GPRIN3: variants seen among roughly 807,000 people sequenced by gnomAD.
GPRIN3 encodes GPRIN family member 3.
Under a neutral mutation model 13.7 loss-of-function variants are expected in GPRIN3, and 12 were observed. The ratio of observed to expected loss-of-function variants is 0.87; its 90% CI spans 0.56 to 1.42. The LOEUF (loss-of-function observed/expected upper bound fraction) is 1.42. Ranked by LOEUF, GPRIN3 falls within the 40% of genes most tolerant of loss-of-function variation. The pLI is 0.00. For missense variants in GPRIN3, 1,009 were observed against 958.7 expected (o/e 1.05, Z -0.69); for synonymous variants, 377 against 372.7 (o/e 1.01, Z -0.13).
At position 89,303,173 on chromosome 4, in the gene GPRIN3, TCTAA is replaced by T. The variant is rs145109677; in HGVS notation, c.-124+4438_-124+4441del. 8.0e-3 allele frequency among the ~76,000 whole-genome samples: 1,211 copies of T among 152,268 alleles called. 13 individuals are homozygous for T. The highest frequency in any genetic ancestry group is 0.027 in the African/African-American group (1,141 of 41,532). On this transcript the variant is annotated intron_variant, in intron 1 of 1. Coordinates refer to ENST00000609438, the MANE Select transcript of GPRIN3 (RefSeq NM_198281.3). ...AAATGCATACAAACATATTTAAATA[TCTAA>T]CTAAGAAGATGGACAAGTCATAGAG...
At chr4:89,273,746 T>C (rs759443185) in intron 1 of GPRIN3, among the ~76,000 whole-genome samples, 4 of 152,198 alleles carry the variant, frequency 2.6e-5, no homozygotes, top group African/African-American at 4.8e-5. Context: ...ACTTTTTTCA[T>C]AGGTGCTGTA....
rs541716996 is a variant in GPRIN3 at position 89,288,064 on chromosome 4, C to T, written c.-124+19551G>A. ...CATGGAATAATGTACTGTCTAATTT[C>T]GGTGCCTCGAGGGCCCGTGCAGATC... On this transcript the variant is annotated intron_variant, in intron 1 of 1. Transcript: ENST00000609438. Among the ~76,000 whole-genome samples, 291 of 152,214 alleles carry T rather than the reference C, an allele frequency of 1.9e-3. 1 individual carries two copies. In the Middle Eastern group the frequency reaches 0.02, roughly 11 times the overall value.
chr4:89,286,454 A>C (rs1385591072), intron 1 of GPRIN3, among the ~76,000 whole-genome samples: 1 of 152,054 alleles, frequency 6.6e-6, no homozygotes, highest in Non-Finnish European at 1.5e-5. Context: ...GCTTTCCTAC[A>C]CTGTGTCTTT....
chr4:89,264,438 A>C (rs1434963674), intron 1 of GPRIN3, among the ~76,000 whole-genome samples: 1 of 152,168 alleles, frequency 6.6e-6, no homozygotes, highest in Non-Finnish European at 1.5e-5. Context: ...CTCTTTTCTT[A>C]ATAAATTACC....
At position 89,238,873 on chromosome 4, in the gene GPRIN3, T is replaced by C. The variant is rs1336251904; in HGVS notation, c.*8907A>G. 6.6e-6 allele frequency: 1 copy of C among 152,224 alleles called. No homozygotes were observed. The highest frequency in any genetic ancestry group is 1.9e-4 in the East Asian group (1 of 5,194). 9.4% of individuals were successfully genotyped at this position (152,224 alleles called of 1,614,324 possible). A position where few individuals can be genotyped will look rare whatever the true frequency, so the allele number is the denominator to read the frequency against. ...CAGAATAAATTGTATCTATATTACA[T>C]TTATTATGAAAAGTGAGATGCAAAA... is the stretch of plus-strand genomic sequence containing the variant. On this transcript the variant is annotated 3_prime_UTR_variant, in exon 2 of 2. Coordinates refer to ENST00000609438, the MANE Select transcript of GPRIN3 (RefSeq NM_198281.3).
At chr4:89,286,953 T>C (rs532591154) in intron 1 of GPRIN3, among the ~76,000 whole-genome samples, 82 of 152,320 alleles carry the variant, frequency 5.4e-4, no homozygotes, top group Admixed American at 3.5e-3. Context: ...ATCATGCCTG[T>C]GAATAGCCAC....
intron 1 of GPRIN3, among the ~76,000 whole-genome samples, chr4:89,265,692 T>C (rs1325897472): frequency 1.3e-5 from 2 of 152,228 alleles, no homozygotes; most frequent in African/African-American, 4.8e-5. Context: ...TTTATTATAC[T>C]ATACCACTGG....
chr4:89,292,677 T>C (rs1451250509), intron 1 of GPRIN3, among the ~76,000 whole-genome samples: 6 of 152,236 alleles, frequency 3.9e-5, no homozygotes, highest in African/African-American at 7.2e-5. Context: ...TTGATGGTTA[T>C]AGCATCTGGC....
intron 1 of GPRIN3, among the ~76,000 whole-genome samples, chr4:89,298,980 C>A (rs1395855587): frequency 6.6e-6 from 1 of 152,070 alleles, no homozygotes; most frequent in African/African-American, 2.4e-5. Context: ...CATTATAGTT[C>A]TAAACATCAA....
chr4:89,281,577 T>A (rs2149279128), intron 1 of GPRIN3, among the ~76,000 whole-genome samples: 2 of 152,232 alleles, frequency 1.3e-5, no homozygotes, highest in South Asian at 4.2e-4. Context: ...GGGGATTACA[T>A]TTCAACATGA....
intron 1 of GPRIN3, among the ~76,000 whole-genome samples, chr4:89,274,961 A>T (rs1724052163): frequency 6.6e-6 from 1 of 152,092 alleles, no homozygotes. Context: ...TCCGGAAAAG[A>T]CCCATTACTG....
chr4:89,307,298 C>CACACACACACACA (rs1561242497), intron 1 of GPRIN3, among the ~76,000 whole-genome samples: 1 of 150,154 alleles, frequency 6.7e-6, no homozygotes, highest in African/African-American at 2.5e-5. Context: ...CACACACACA[C>CACACACACACACA]CCCTCATATT....
chr4:89,248,222 G>C lies in GPRIN3; in HGVS notation c.1889C>G (p.Ala630Gly). Residue 630 changes from alanine to glycine, a missense_variant, in exon 2 of 2, where the codon GCC becomes GGC. Ala to Gly is a moderately conservative substitution (Grantham distance 60). Coordinates refer to ENST00000609438, the MANE Select transcript of GPRIN3 (RefSeq NM_198281.3). ...GKKTPSRSVK[A>G]SPRRPSRVSE... The stretch of plus-strand genomic sequence containing the variant: ...GACGCGGCTGGGCCTGCGTGGGCTG[G>C]CTTTGACGGAGCGAGATGGGGTCTT... The C allele has an allele frequency of 6.2e-7, 1 of 1,614,200 alleles. No individual in the cohort carries two copies. The highest frequency in any genetic ancestry group is 2.2e-5 in the East Asian group (1 of 44,882).
rs1722935148 is a variant in GPRIN3 at position 89,241,139 on chromosome 4, A to C, written c.*6641T>G. ...TTACTTAGCCCTGGCATATTTAATA[A>C]TATGCCAATGTACTGATTACTATAT... On this transcript the variant is annotated 3_prime_UTR_variant, in exon 2 of 2. Coordinates refer to ENST00000609438, the MANE Select transcript of GPRIN3 (RefSeq NM_198281.3). The C allele has an allele frequency of 6.6e-6, 1 of 152,114 alleles. No homozygotes were observed. The highest frequency in any genetic ancestry group is 2.4e-5 in the African/African-American group (1 of 41,430). The allele number at this position is 152,114 out of a possible 1,614,324, so 9.4% of individuals were successfully genotyped here.
At chr4:89,299,728 A>ACTACTCCTG (rs1724842321) in intron 1 of GPRIN3, among the ~76,000 whole-genome samples, 1 of 152,158 alleles carries the variant, frequency 6.6e-6, no homozygotes, top group South Asian at 2.1e-4. Flanking sequence ...ACGAGTTGAT[A>ACTACTCCTG]CTACTCCTGA....
At chr4:89,291,087 A>G (rs1232355935) in intron 1 of GPRIN3, among the ~76,000 whole-genome samples, 2 of 152,238 alleles carry the variant, frequency 1.3e-5, no homozygotes, top group Non-Finnish European at 2.9e-5. Flanking sequence ...GTCAATAAAC[A>G]GAGAGCAGGA....
At chr4:89,300,892 T>G (rs1724878356) in intron 1 of GPRIN3, among the ~76,000 whole-genome samples, 1 of 152,206 alleles carries the variant, frequency 6.6e-6, no homozygotes, top group African/African-American at 2.4e-5. Flanking sequence ...ACTAAAATTT[T>G]TACTGGAATT....
intron 1 of GPRIN3, among the ~76,000 whole-genome samples, chr4:89,258,152 A>G (rs189403055): frequency 1.3e-5 from 2 of 151,788 alleles, no homozygotes; most frequent in African/African-American, 4.8e-5. Context: ...AAAGCATATA[A>G]CTGTATTTAA....
intron 1 of GPRIN3, among the ~76,000 whole-genome samples, chr4:89,295,892 T>C (rs546143204): frequency 2.6e-5 from 4 of 152,342 alleles, no homozygotes; most frequent in Non-Finnish European, 4.4e-5. Context: ...GGTGCACTGG[T>C]TGAAAACATT....
Sources: allele counts gnomAD v4.1 joint callset (sites outside exome capture counted in the v4.1 genomes callset), GRCh38; gene constraint gnomAD v4.1.1; transcripts MANE v1.5; gene names NCBI Gene and HGNC (gene_info 2026-07-23, HGNC 2026-07-21).